The following USP37 variants were observed in gnomAD, a reference collection of about 807,000 sequenced individuals.
The protein encoded by USP37 is ubiquitin carboxyl-terminal hydrolase 37.
Under a neutral mutation model 124.0 loss-of-function variants are expected in USP37, and 27 were observed. The ratio of observed to expected loss-of-function variants is 0.22; its 90% confidence interval spans 0.16 to 0.30. The LOEUF is 0.30. USP37 is among the 10% of genes least tolerant of loss of function. The pLI, the probability that USP37 is intolerant of heterozygous loss-of-function variation, is 1.00. For synonymous variants in USP37, 365 were observed against 388.0 expected, an observed-to-expected ratio of 0.94 and a Z score of 0.70; for missense variants, 889 against 1,140.4, an observed-to-expected ratio of 0.78 and a Z score of 3.17.
chr2:218,503,397 C>T (rs1559191409), intron 11 of USP37, among the ~76,000 whole-genome samples: 1 of 152,206 alleles, frequency 6.6e-6, no homozygotes, highest in Non-Finnish European at 1.5e-5. Context: ...ATCCTAACTA[C>T]GTATTGTGGG....
rs1272930645 is a variant in USP37, at chr2:218,550,369, C to T, written c.329-460G>A. ...ATAAATGGCTTCTATTCTGAAGAAACTAATGGTAGTTCAAGGAACATTCAA... is the reference window on the plus strand; with the variant it reads ...ATAAATGGCTTCTATTCTGAAGAAATTAATGGTAGTTCAAGGAACATTCAA... On this transcript the variant is annotated intron_variant, in intron 5 of 25. Coordinates refer to ENST00000258399, the MANE Select transcript of USP37 (RefSeq NM_020935.3). 3.9e-5 allele frequency among the ~76,000 whole-genome samples: 6 copies of T among 152,148 alleles called. No individual in the cohort carries two copies. The East Asian group carries it at 1.2e-3, about 29-fold the overall frequency.
chr2:218,539,829 G>A (rs1691877242), intron 8 of USP37, among the ~76,000 whole-genome samples: 1 of 151,942 alleles, frequency 6.6e-6, no homozygotes, highest in Non-Finnish European at 1.5e-5. Context: ...GGCTAACATG[G>A]TGAAACCCCA....
chr2:218,470,602 T>C (rs972469474), intron 20 of USP37, among the ~76,000 whole-genome samples: 7 of 152,262 alleles, frequency 4.6e-5, no homozygotes, highest in Admixed American at 3.3e-4. Context: ...CTTAGCTCTC[T>C]AGTCTCATCT....
rs1048307998 is a variant in USP37 at position 218,534,528 on chromosome 2, C to T, written c.778+81G>A. 8.3e-6 allele frequency: 6 copies of T among 718,986 alleles called. No individual in the cohort carries two copies. In the East Asian group the frequency reaches 2.3e-4, roughly 27 times the overall value. The allele number at this position is 718,986 out of a possible 1,614,324, so 44.5% of individuals were successfully genotyped here. On this transcript the variant is annotated intron_variant, in intron 9 of 25. Coordinates refer to ENST00000258399, the MANE Select transcript of USP37 (RefSeq NM_020935.3). ...AATAAATAAAAATAAAAAGAATGTACAGATGGGTTAGGTTTTTATTTCTAA... is the reference window on the plus strand; with the variant it reads ...AATAAATAAAAATAAAAAGAATGTATAGATGGGTTAGGTTTTTATTTCTAA...
chr2:218,496,085 G>C (rs917748985), intron 13 of USP37, 135 bp from the exon 14 acceptor site: 2 of 794,496 alleles, frequency 2.5e-6, no homozygotes, highest in South Asian at 2.1e-5. Context: ...CTTGAGGTCA[G>C]GAGTTCGAGA....
intron 8 of USP37, among the ~76,000 whole-genome samples, chr2:218,535,864 A>G (rs1226405378): frequency 1.3e-5 from 2 of 151,672 alleles, no homozygotes; most frequent in African/African-American, 4.8e-5. Flanking sequence ...CAAAAAAAAA[A>G]AAATTAGCCA....
chr2:218,481,499 A>G (rs929577367), intron 17 of USP37, among the ~76,000 whole-genome samples: 3 of 152,152 alleles, frequency 2.0e-5, no homozygotes, highest in Admixed American at 6.6e-5. Context: ...AGTATATCAA[A>G]CTGTCTTCTA....
At chr2:218,526,326 G>C (rs138346294) in intron 10 of USP37, among the ~76,000 whole-genome samples, 6,072 of 152,120 alleles carry the variant, frequency 0.04, 390 homozygotes, top group African/African-American at 0.14. Context: ...CTGCCTCCCA[G>C]GTTCAAGTGA....
At chr2:218,539,709 T>A (rs1691869829) in intron 8 of USP37, among the ~76,000 whole-genome samples, 1 of 148,906 alleles carries the variant, frequency 6.7e-6, no homozygotes, top group African/African-American at 2.5e-5. Context: ...AGCAAGATTG[T>A]CTCAAAAAAA....
At chr2:218,479,931 A>C (rs1691160011) in intron 17 of USP37, among the ~76,000 whole-genome samples, 1 of 152,120 alleles carries the variant, frequency 6.6e-6, no homozygotes, top group Non-Finnish European at 1.5e-5. Flanking sequence ...GAATCACCTG[A>C]GGTCAGGAGT....
At chr2:218,553,486 T>TG (rs1184137435) in intron 5 of USP37, 67 bp downstream of exon 5, 3 of 1,392,168 alleles carry the variant, frequency 2.2e-6, no homozygotes, top group Middle Eastern at 1.9e-4. Flanking sequence ...AGTTGAATAT[T>TG]GGTCTGTAGT....
intron 10 of USP37, among the ~76,000 whole-genome samples, chr2:218,517,212 T>C (rs1377633914): frequency 1.3e-5 from 2 of 152,258 alleles, no homozygotes; most frequent in Non-Finnish European, 2.9e-5. Context: ...TTAATTATTC[T>C]GTGTCTTCCT....
intron 10 of USP37, among the ~76,000 whole-genome samples, chr2:218,510,501 A>G (rs567637772): frequency 6.6e-6 from 1 of 152,204 alleles, no homozygotes. Flanking sequence ...ATAACACAAC[A>G]AACATTCTTA....
At chr2:218,511,242 C>T (rs148961433) in intron 10 of USP37, among the ~76,000 whole-genome samples, 257 of 152,130 alleles carry the variant, frequency 1.7e-3, no homozygotes, top group Middle Eastern at 3.4e-3. Context: ...CGGTTTCAAG[C>T]GAGTCTTGTG....
intron 10 of USP37, among the ~76,000 whole-genome samples, chr2:218,517,289 A>G (rs1690347713): frequency 6.6e-6 from 1 of 152,214 alleles, no homozygotes; most frequent in Non-Finnish European, 1.5e-5. Flanking sequence ...GTTTTGTATA[A>G]CAGAATTTAT....
At chr2:218,501,479 C>T (rs935741682) in intron 11 of USP37, among the ~76,000 whole-genome samples, 1 of 152,092 alleles carries the variant, frequency 6.6e-6, no homozygotes, top group Non-Finnish European at 1.5e-5. Context: ...TCTGGAATTA[C>T]CTTCCTACTA....
intron 16 of USP37, among the ~76,000 whole-genome samples, chr2:218,484,672 T>C (rs1468541330): frequency 8.7e-5 from 13 of 148,668 alleles, no homozygotes; most frequent in African/African-American, 2.7e-4. Context: ...AAAAACCAAC[T>C]CCCATTTTCT....
At chr2:218,501,287 G>A (rs1195288993) in intron 11 of USP37, among the ~76,000 whole-genome samples, 1 of 151,968 alleles carries the variant, frequency 6.6e-6, no homozygotes, top group East Asian at 1.9e-4. Flanking sequence ...CAATCTGCCT[G>A]CCTTGACCTC....
intron 8 of USP37, among the ~76,000 whole-genome samples, chr2:218,534,993 G>C (rs1264918223): frequency 1.3e-5 from 2 of 152,154 alleles, no homozygotes; most frequent in Non-Finnish European, 2.9e-5. Flanking sequence ...ATCAGAGACA[G>C]CAAGATTATT....
Sources: allele counts gnomAD v4.1 joint callset (sites outside exome capture counted in the v4.1 genomes callset), GRCh38; gene constraint gnomAD v4.1.1; transcripts MANE v1.5; gene names NCBI Gene and HGNC (gene_info 2026-07-23, HGNC 2026-07-21).